The following CUL2 variants were observed in gnomAD, a reference collection of about 807,000 sequenced individuals.
CUL2 encodes cullin-2.
In CUL2, 22 loss-of-function variants were observed where a neutral mutation model predicts 110.2. That is an observed-to-expected ratio of 0.20 (90% CI 0.14 to 0.28). The LOEUF (loss-of-function observed/expected upper bound fraction) is 0.28. Among genes scored for constraint, CUL2 ranks in the 10% least tolerant of loss-of-function variants. CUL2 has a pLI of 1.00. For synonymous variants in CUL2, 279 were observed against 293.2 expected (o/e 0.95, Z 0.49); for missense variants, 631 against 905.5 (o/e 0.70, Z 3.89).
At chr10:35,045,070 T>C (rs985356980) in intron 6 of CUL2, among the ~76,000 whole-genome samples, 1 of 152,190 alleles carries the variant, frequency 6.6e-6, no homozygotes, top group Non-Finnish European at 1.5e-5. Flanking sequence ...AATGTATACA[T>C]TAGATGTCAT....
upstream of CUL2, among the ~76,000 whole-genome samples, chr10:35,094,482 G>T (rs555156342): frequency 1.3e-5 from 2 of 152,166 alleles, no homozygotes; most frequent in Non-Finnish European, 2.9e-5. Flanking sequence ...TGATTTGCCC[G>T]CCTGGGCCTC....
At chr10:35,111,988 T>G (rs1023338860) in intron 1 of CUL2, among the ~76,000 whole-genome samples, 1 of 152,228 alleles carries the variant, frequency 6.6e-6, no homozygotes, top group Non-Finnish European at 1.5e-5. Context: ...ACTGCTCAAC[T>G]GTACAAGGGT....
At chr10:35,025,241 T>A (rs529119781) in intron 16 of CUL2, 43 bp from the exon 17 acceptor site, 1 of 1,533,938 alleles carries the variant, frequency 6.5e-7, no homozygotes, top group South Asian at 1.3e-5. Context: ...TTAGCTACTA[T>A]AACTTGCCTA....
At chr10:35,048,314 C>T (rs560895703) in intron 6 of CUL2, among the ~76,000 whole-genome samples, 2 of 152,132 alleles carry the variant, frequency 1.3e-5, no homozygotes, top group African/African-American at 4.8e-5. Flanking sequence ...ATAAGACAAG[C>T]AGACCAGATA....
chr10:35,057,597 G>A lies in CUL2; in HGVS notation c.318-3058C>T, dbSNP rs190878572. Among the ~76,000 whole-genome samples the A allele has an allele frequency of 4.7e-3, 705 of 150,164 alleles. 1 individual carries two copies. The highest frequency in any genetic ancestry group is 7.8e-3 in the Non-Finnish European group (527 of 67,710). ...GAACCCAGGAGGCGGAGGTTGCAGT[G>A]AGCCGAGATCGTGCCACTGCACTCC... On this transcript the variant is annotated intron_variant, in intron 4 of 20. Transcript: ENST00000374749.
chr10:35,047,381 C>T (rs1279589211), intron 6 of CUL2, among the ~76,000 whole-genome samples: 4 of 150,244 alleles, frequency 2.7e-5, no homozygotes, highest in Non-Finnish European at 5.9e-5. Flanking sequence ...AAGGCCGAGG[C>T]GGGTGGATCA....
intron 17 of CUL2, among the ~76,000 whole-genome samples, chr10:35,019,835 G>T (rs1234112478): frequency 6.6e-6 from 1 of 152,172 alleles, no homozygotes; most frequent in East Asian, 1.9e-4. Context: ...TTCTGGCAAG[G>T]ATCATCAGTG....
At chr10:35,063,472 A>G (rs540985859) in intron 2 of CUL2, among the ~76,000 whole-genome samples, 2 of 152,336 alleles carry the variant, frequency 1.3e-5, no homozygotes, top group South Asian at 2.1e-4. Flanking sequence ...GACAAGAGGC[A>G]GACATGTCTA....
At chr10:35,106,592 A>C (rs577086443) in intron 1 of CUL2, among the ~76,000 whole-genome samples, 2 of 151,652 alleles carry the variant, frequency 1.3e-5, no homozygotes, top group African/African-American at 4.8e-5. Flanking sequence ...TCGGCCTCCC[A>C]AAGTGCTGGG....
intron 1 of CUL2, among the ~76,000 whole-genome samples, chr10:35,109,930 T>C (rs2087506500): frequency 6.6e-6 from 1 of 152,132 alleles, no homozygotes; most frequent in Non-Finnish European, 1.5e-5. Flanking sequence ...TCTCAGAACT[T>C]TGGAAGGCTG....
At chr10:35,018,487 G>A (rs545640249) in intron 17 of CUL2, among the ~76,000 whole-genome samples, 21 of 151,992 alleles carry the variant, frequency 1.4e-4, no homozygotes, top group Admixed American at 1.2e-3. Flanking sequence ...TTTTAGGCCG[G>A]GCGCAGTGGC....
chr10:35,081,540 T>C (rs369254411), intron 1 of CUL2, among the ~76,000 whole-genome samples: 2 of 152,224 alleles, frequency 1.3e-5, no homozygotes, highest in African/African-American at 4.8e-5. Flanking sequence ...GCCCATCGTG[T>C]ATGAATACTA....
chr10:35,031,120 T>C lies in CUL2; in HGVS notation c.1386+180A>G, dbSNP rs1389208171. On this transcript the variant is annotated intron_variant, in intron 14 of 20. Transcript: ENST00000374749. This position sits in a 1 kb window ranked among gnomAD's most constrained non-coding sequence, Gnocchi z 4.4. Reference sequence around the variant, plus strand: ...ACTGATTATCTTGTGAATCTTCATATATAAACATATACATTTTGTCCTTTT... The same window carrying C: ...ACTGATTATCTTGTGAATCTTCATACATAAACATATACATTTTGTCCTTTT... Among the ~76,000 whole-genome samples the C allele has an allele frequency of 6.6e-6, 1 of 152,266 alleles. No individual in the cohort carries two copies. Among genetic ancestry groups the C allele is most frequent in the Admixed American group, 6.5e-5 (1 of 15,286 alleles).
chr10:35,111,006 G>A (rs2087517528), intron 1 of CUL2, among the ~76,000 whole-genome samples: 1 of 152,158 alleles, frequency 6.6e-6, no homozygotes, highest in East Asian at 1.9e-4. Flanking sequence ...AGCAAGAGAT[G>A]CCAGTGGCTT....
chr10:35,055,846 G>C (rs1427175786), intron 4 of CUL2, among the ~76,000 whole-genome samples: 3 of 152,106 alleles, frequency 2.0e-5, no homozygotes, highest in Admixed American at 1.3e-4. Flanking sequence ...GCTAAGGAAA[G>C]AGGAATAAGA....
upstream of CUL2, among the ~76,000 whole-genome samples, chr10:35,090,942 A>G (rs2087195106): frequency 6.6e-6 from 1 of 152,258 alleles, no homozygotes; most frequent in Non-Finnish European, 1.5e-5. Context: ...CAAATGATCA[A>G]AAATAAATTA....
intron 5 of CUL2, among the ~76,000 whole-genome samples, chr10:35,052,995 AAGAC>A (rs1397037118): frequency 6.6e-6 from 1 of 152,220 alleles, no homozygotes; most frequent in Non-Finnish European, 1.5e-5. Context: ...CTTATGTAAA[AAGAC>A]AGACAGTAAC....
chr10:35,031,255 G>C lies in CUL2; in HGVS notation c.1386+45C>G, dbSNP rs1345155460. ...CTGCAATGAACATCTTTATGTGCTT[G>C]TGAATGAATTTCTAGGACAATACCA... On this transcript the variant is annotated intron_variant, in intron 14 of 20. Transcript: ENST00000374749. This position sits in a 1 kb window ranked among gnomAD's most constrained non-coding sequence, Gnocchi z 4.4. 2.5e-6 allele frequency: 3 copies of C among 1,211,816 alleles called. No homozygotes were observed. Among genetic ancestry groups the C allele is most frequent in the East Asian group, 2.3e-5 (1 of 42,678 alleles). The allele number at this position is 1,211,816 out of a possible 1,614,324, so 75.1% of individuals were successfully genotyped here.
Position 35,033,176 on chromosome 10 carries a change from G to A in CUL2, c.1100C>T (p.Ala367Val). 6.8e-6 allele frequency: 11 copies of A among 1,608,934 alleles called. No homozygotes were observed. The highest frequency in any genetic ancestry group is 8.5e-6 in the Non-Finnish European group (10 of 1,175,964). ...VLNGDQHFMS[A>V]LDKALTSVVN... The stretch of plus-strand genomic sequence containing the variant: ...GTATTTAAAACTTACCTTATCCAAC[G>A]CACTCATAAAATGCTGATCACCATT... The change falls in exon 11 of 21, where the codon GCG (alanine) becomes GTG (valine). Residue 367 changes from alanine to valine, a missense_variant. Around this residue, in one of 3 missense-constraint regions of CUL2, gnomAD observed 338 missense variants for 442.5 expected, o/e 0.76. Transcript: ENST00000374749.
Sources: gnomAD v4.1 joint callset for allele counts (sites outside exome capture counted in the v4.1 genomes callset) on GRCh38, gnomAD v4.1.1 for gene constraint, gnomAD v4.1.1 regional missense constraint, Gnocchi (gnomAD v3.1) non-coding constraint, MANE v1.5 for transcripts, NCBI Gene and HGNC (gene_info 2026-07-23, HGNC 2026-07-21) for gene names.